Variants in CCDC178 observed in about 807,000 individuals in gnomAD.
CCDC178 encodes coiled-coil domain containing 178, also known as coiled-coil domain-containing protein 178.
A neutral mutation model predicts 117.4 loss-of-function variants in CCDC178; 126 were observed. The observed-to-expected ratio is 1.07, with a 90% CI of 0.93 to 1.24. The LOEUF is 1.24. Among genes scored for constraint, CCDC178 ranks in the 50% most tolerant of loss-of-function variants. The probability of loss-of-function intolerance (pLI) is 0.00; values close to 1 mark genes in which losing one functional copy is unlikely to be tolerated. For missense variants in CCDC178, 1,030 were observed against 986.9 expected (o/e 1.04, Z -0.59); for synonymous variants, 283 against 313.4 (o/e 0.90, Z 1.02).
At chr18:33,434,814 C>G (rs1292159815) in intron 2 of CCDC178, among the ~76,000 whole-genome samples, 1 of 151,518 alleles carries the variant, frequency 6.6e-6, no homozygotes, top group African/African-American at 2.4e-5. Flanking sequence ...AATTCTAACT[C>G]TCATCTGCTA....
chr18:33,079,329 A>G (rs976050025), intron 21 of CCDC178, among the ~76,000 whole-genome samples: 5 of 152,216 alleles, frequency 3.3e-5, no homozygotes, highest in Non-Finnish European at 5.9e-5. Context: ...AAACCCTAGA[A>G]GGTAACCTAG....
At chr18:32,979,577 A>G (rs1255771510) in intron 21 of CCDC178, among the ~76,000 whole-genome samples, 1 of 152,234 alleles carries the variant, frequency 6.6e-6, no homozygotes, top group Non-Finnish European at 1.5e-5. Flanking sequence ...AAGATTTTAT[A>G]AAGAAAGTTA....
intron 21 of CCDC178, among the ~76,000 whole-genome samples, chr18:33,001,119 T>C (rs2055622063): frequency 6.6e-6 from 1 of 152,184 alleles, no homozygotes; most frequent in Non-Finnish European, 1.5e-5. Context: ...TGCTTATTAG[T>C]TTGTTGATGC....
intron 22 of CCDC178, among the ~76,000 whole-genome samples, chr18:32,972,566 G>T (rs942665858): frequency 5.9e-5 from 9 of 152,060 alleles, no homozygotes; most frequent in Non-Finnish European, 1.2e-4. Flanking sequence ...GAAAGTCAAT[G>T]GTAGCTTGAT....
chr18:33,085,947 T>C (rs1433440960), intron 21 of CCDC178, among the ~76,000 whole-genome samples: 1 of 152,086 alleles, frequency 6.6e-6, no homozygotes, highest in Non-Finnish European at 1.5e-5. Flanking sequence ...AAATGAGTTT[T>C]TCCAAATGTT....
At chr18:33,424,731 T>A (rs530210505) in intron 2 of CCDC178, among the ~76,000 whole-genome samples, 1 of 151,810 alleles carries the variant, frequency 6.6e-6, no homozygotes, top group Non-Finnish European at 1.5e-5. Context: ...GGCATGGGGG[T>A]GGCAGGAGCC....
At chr18:33,173,001 A>G (rs534516764) in intron 20 of CCDC178, among the ~76,000 whole-genome samples, 15 of 152,266 alleles carry the variant, frequency 9.9e-5, no homozygotes, top group African/African-American at 3.4e-4. Context: ...GCTCTGCTTG[A>G]TTGCACTGTT....
chr18:33,019,445 T>C (rs1027703145), intron 21 of CCDC178, among the ~76,000 whole-genome samples: 3 of 152,352 alleles, frequency 2.0e-5, no homozygotes, highest in South Asian at 2.1e-4. Context: ...AGATATATGA[T>C]TGCTAATTTA....
intron 10 of CCDC178, among the ~76,000 whole-genome samples, chr18:33,332,105 T>C (rs932154436): frequency 2.6e-5 from 4 of 152,130 alleles, no homozygotes; most frequent in East Asian, 3.9e-4. Flanking sequence ...AACTAAAAAA[T>C]TGTCAGATTA....
chr18:33,120,383 TG>T (rs934128382), intron 20 of CCDC178, among the ~76,000 whole-genome samples: 1 of 152,014 alleles, frequency 6.6e-6, no homozygotes, highest in African/African-American at 2.4e-5. Flanking sequence ...TTATACAAGG[TG>T]GGTAATGAGA....
intron 2 of CCDC178, among the ~76,000 whole-genome samples, chr18:33,427,608 C>T (rs2064140537): frequency 6.6e-6 from 1 of 152,110 alleles, no homozygotes; most frequent in African/African-American, 2.4e-5. Flanking sequence ...AGTTAAGATG[C>T]TTTAAATATT....
intron 21 of CCDC178, among the ~76,000 whole-genome samples, chr18:33,009,435 G>C (rs76623425): frequency 6.6e-6 from 1 of 151,858 alleles, no homozygotes; most frequent in African/African-American, 2.4e-5. Context: ...ACACTGGCCC[G>C]GTGTTACCTT....
chr18:33,118,800 G>T (rs919955892), intron 20 of CCDC178, among the ~76,000 whole-genome samples: 2 of 152,082 alleles, frequency 1.3e-5, no homozygotes, highest in African/African-American at 4.8e-5. Flanking sequence ...ATACTACAAG[G>T]CTACAGTAAC....
intron 6 of CCDC178, among the ~76,000 whole-genome samples, chr18:33,363,138 T>G (rs1230244741): frequency 6.6e-6 from 1 of 151,810 alleles, no homozygotes; most frequent in African/African-American, 2.4e-5. Flanking sequence ...AAAAACAAAT[T>G]AGAGGAACAT....
At chr18:33,424,466 G>T (rs1470741706) in intron 2 of CCDC178, among the ~76,000 whole-genome samples, 1 of 152,136 alleles carries the variant, frequency 6.6e-6, no homozygotes, top group Non-Finnish European at 1.5e-5. Context: ...GTGTACAGGC[G>T]CACACCTCCA....
intron 3 of CCDC178, among the ~76,000 whole-genome samples, chr18:33,408,294 G>A (rs1343710596): frequency 4.0e-5 from 6 of 151,730 alleles, no homozygotes; most frequent in Admixed American, 1.3e-4. Context: ...TAAAAATCAT[G>A]AACAGGAAGA....
intron 13 of CCDC178, 30 bp from the exon 14 acceptor site, chr18:33,267,082 T>C: frequency 6.4e-7 from 1 of 1,562,444 alleles, no homozygotes; most frequent in Non-Finnish European, 8.6e-7. Context: ...GAATCATTCA[T>C]ACATGTCTAA....
At chr18:33,073,529 ATCTATCTATC>A (rs1390861497) in intron 21 of CCDC178, among the ~76,000 whole-genome samples, 2 of 148,832 alleles carry the variant, frequency 1.3e-5, no homozygotes, top group African/African-American at 5.1e-5. Flanking sequence ...CTATCTATCT[ATCTATCTATC>A]TATCTATCTA....
chr18:33,260,510 TGG>T (rs2059731180), intron 14 of CCDC178, among the ~76,000 whole-genome samples: 1 of 151,374 alleles, frequency 6.6e-6, no homozygotes, highest in Non-Finnish European at 1.5e-5. Context: ...CCAATTTTTT[TGG>T]TTTATCAATT....
Sources: allele counts gnomAD v4.1 joint callset (sites outside exome capture counted in the v4.1 genomes callset), GRCh38; gene constraint gnomAD v4.1.1; transcripts MANE v1.5; gene names NCBI Gene and HGNC (gene_info 2026-07-23, HGNC 2026-07-21).